KAT6B: variants seen among roughly 807,000 people sequenced by gnomAD.
KAT6B encodes the protein histone acetyltransferase KAT6B.
A neutral mutation model predicts 187.5 loss-of-function variants in KAT6B; 10 were observed. The observed-to-expected ratio is 0.05, with a 90% CI of 0.03 to 0.09. The LOEUF is 0.09. KAT6B is among the 10% of genes least tolerant of loss of function. KAT6B has a pLI of 1.00. For missense variants in KAT6B, 1,952 were observed against 2,558.9 expected (o/e 0.76, Z 5.12); for synonymous variants, 861 against 926.8 (o/e 0.93, Z 1.29).
At chr10:75,002,721 G>A (rs1843932056) in intron 13 of KAT6B, among the ~76,000 whole-genome samples, 1 of 152,196 alleles carries the variant, frequency 6.6e-6, no homozygotes, top group Non-Finnish European at 1.5e-5. Context: ...AAAAGGTACA[G>A]TAAAAATATG....
intron 1 of KAT6B, among the ~76,000 whole-genome samples, chr10:74,827,438 A>G (rs1840353465): frequency 6.6e-6 from 1 of 151,718 alleles, no homozygotes; most frequent in African/African-American, 2.4e-5. Flanking sequence ...GTACGATTGC[A>G]GTGATGGGAA....
chr10:75,014,939 A>G (rs1273675275), intron 13 of KAT6B, among the ~76,000 whole-genome samples: 1 of 152,212 alleles, frequency 6.6e-6, no homozygotes, highest in East Asian at 1.9e-4. Context: ...TTAAGTGGCC[A>G]CACCCTCATC....
rs1846219338 is a variant in KAT6B, at chr10:75,030,373, C to T, written c.5549C>T (p.Ser1850Phe). The change falls in exon 18 of 18, where the codon TCC (serine) becomes TTC (phenylalanine). Residue 1850 changes from serine (S) to phenylalanine (F), a missense_variant. Ser to Phe is a radical substitution (Grantham distance 155, BLOSUM62 -2). Transcript: ENST00000287239. The surrounding 1 kb of genome is among the most constrained non-coding windows in gnomAD (Gnocchi z 4.8). Reference sequence around the variant, plus strand: ...TCCTATGCAAACAGTGCCTCTTTGTCCACACCATTAAGTAACACAGGGCTT... The same window carrying T: ...TCCTATGCAAACAGTGCCTCTTTGTTCACACCATTAAGTAACACAGGGCTT... ...VTSYANSASLSTPLSNTGLVQ... is the reference protein window; with the variant it reads ...VTSYANSASLFTPLSNTGLVQ... The T allele has an allele frequency of 6.2e-7, 1 of 1,614,086 alleles. No homozygotes were observed. Among genetic ancestry groups the T allele is most frequent in the African/African-American group, 1.3e-5 (1 of 74,924 alleles).
intron 13 of KAT6B, among the ~76,000 whole-genome samples, chr10:74,989,583 A>G (rs1843003587): frequency 6.6e-6 from 1 of 152,216 alleles, no homozygotes; most frequent in Non-Finnish European, 1.5e-5. Context: ...GCTAGTAGAA[A>G]TAACTCTTAC....
At chr10:74,970,609 T>C (rs998021389) in intron 6 of KAT6B, among the ~76,000 whole-genome samples, 8 of 152,186 alleles carry the variant, frequency 5.3e-5, no homozygotes, top group African/African-American at 1.2e-4. Flanking sequence ...GATTTTCTTC[T>C]GTTTATTGTG....
At chr10:74,925,605 G>T (rs1416486275) in intron 3 of KAT6B, among the ~76,000 whole-genome samples, 2 of 152,142 alleles carry the variant, frequency 1.3e-5, no homozygotes, top group Admixed American at 1.3e-4. Context: ...ATGAGTATTT[G>T]TTGTGAAAGC....
At chr10:75,022,318 C>G (rs1845494073) in intron 16 of KAT6B, 87 bp downstream of exon 16, 1 of 1,451,092 alleles carries the variant, frequency 6.9e-7, no homozygotes, top group South Asian at 1.1e-5. Context: ...GTATTTGTTT[C>G]ACTCTCTGTT....
At position 75,021,190 on chromosome 10, in the gene KAT6B, A is replaced by G. The variant is rs749648834; in HGVS notation, c.2926A>G (p.Arg976Gly). 3 of 1,614,154 alleles carry G rather than the reference A, an allele frequency of 1.9e-6. No individual in the cohort carries two copies. The highest frequency in any genetic ancestry group is 2.5e-6 in the Non-Finnish European group (3 of 1,179,960). The change falls in exon 15 of 18, where the codon AGA becomes GGA. Residue 976 changes from arginine (R) to glycine (G), a missense_variant. Coordinates refer to ENST00000287239, the MANE Select transcript of KAT6B (RefSeq NM_012330.4). ...CATGGAAAAGCTGAAAACCTGTTCC[A>G]GAGCCAATGAACTTGATCCAGACAG... ...SHMEKLKTCS[R>G]ANELDPDSLR...
chr10:74,909,253 C>G (rs1847020139), intron 3 of KAT6B, among the ~76,000 whole-genome samples: 1 of 152,192 alleles, frequency 6.6e-6, no homozygotes, highest in Admixed American at 6.5e-5. Context: ...TGCCTGTAAT[C>G]CCAGCTACTT....
intron 16 of KAT6B, among the ~76,000 whole-genome samples, chr10:75,023,007 A>G (rs1845555025): frequency 6.6e-6 from 1 of 152,224 alleles, no homozygotes; most frequent in Non-Finnish European, 1.5e-5. Context: ...GTTAGAAAGC[A>G]TTTTAGGCCC....
intron 12 of KAT6B, among the ~76,000 whole-genome samples, chr10:74,986,432 A>G (rs1387766569): frequency 6.6e-6 from 1 of 152,230 alleles, no homozygotes; most frequent in Non-Finnish European, 1.5e-5. Context: ...GCTCTTGCAC[A>G]ATGTAAATGG....
At chr10:74,861,705 T>C (rs1453485502) in intron 3 of KAT6B, among the ~76,000 whole-genome samples, 1 of 152,218 alleles carries the variant, frequency 6.6e-6, no homozygotes, top group Non-Finnish European at 1.5e-5. Context: ...GTATTGAAAA[T>C]AGTTTCATAT....
At chr10:74,956,166 A>G in intron 3 of KAT6B, among the ~76,000 whole-genome samples, 2 of 152,070 alleles carry the variant, frequency 1.3e-5, no homozygotes, top group East Asian at 3.9e-4. Context: ...ATTATATGAC[A>G]TTTTTTCAAG....
chr10:74,919,396 C>T (rs1847946466), intron 3 of KAT6B, among the ~76,000 whole-genome samples: 1 of 151,928 alleles, frequency 6.6e-6, no homozygotes, highest in African/African-American at 2.4e-5. Flanking sequence ...GTGCTTCATC[C>T]TCTTTTTTTG....
At chr10:74,999,650 A>T (rs749059106) in intron 13 of KAT6B, among the ~76,000 whole-genome samples, 1 of 152,172 alleles carries the variant, frequency 6.6e-6, no homozygotes, top group Admixed American at 6.5e-5. Context: ...AGCCCTTGCT[A>T]TGTGTCAGGC....
At chr10:75,015,975 C>T (rs945316754) in intron 13 of KAT6B, among the ~76,000 whole-genome samples, 7 of 152,156 alleles carry the variant, frequency 4.6e-5, no homozygotes, top group Non-Finnish European at 1.5e-5. Flanking sequence ...CTATCCATGC[C>T]CTTGCCTGAG....
chr10:74,864,974 G>A (rs1188118916), intron 3 of KAT6B, among the ~76,000 whole-genome samples: 1 of 152,150 alleles, frequency 6.6e-6, no homozygotes, highest in African/African-American at 2.4e-5. Flanking sequence ...CTTTTGAAAA[G>A]TTTTTAGATA....
intron 2 of KAT6B, among the ~76,000 whole-genome samples, chr10:74,842,392 A>G (rs910221366): frequency 1.2e-4 from 18 of 152,222 alleles, no homozygotes; most frequent in African/African-American, 1.7e-4. Flanking sequence ...CATATAGAGA[A>G]GTGAAACATT....
At chr10:74,988,942 A>G (rs1390378147) in intron 12 of KAT6B, 77 bp from the exon 13 acceptor site, 3 of 987,950 alleles carry the variant, frequency 3.0e-6, no homozygotes, top group African/African-American at 3.2e-5. Context: ...ACAGTTTTAC[A>G]AGGACAGTGG....
Sources: allele counts gnomAD v4.1 joint callset (sites outside exome capture counted in the v4.1 genomes callset), GRCh38; gene constraint gnomAD v4.1.1; non-coding constraint Gnocchi (gnomAD v3.1); transcripts MANE v1.5; gene names NCBI Gene and HGNC (gene_info 2026-07-23, HGNC 2026-07-21).